FYN: variants seen among roughly 807,000 people sequenced by gnomAD.
FYN encodes tyrosine-protein kinase Fyn.
A neutral mutation model predicts 70.2 loss-of-function variants in FYN; 10 were observed. The observed-to-expected ratio is 0.14, with a 90% CI of 0.09 to 0.24. The LOEUF is 0.24. FYN is among the 10% of genes least tolerant of loss of function. The pLI, the probability that FYN is intolerant of heterozygous loss-of-function variation, is 1.00. For synonymous variants in FYN, 236 were observed against 248.6 expected, an observed-to-expected ratio of 0.95 and a Z score of 0.48; for missense variants, 319 against 673.1, an observed-to-expected ratio of 0.47 and a Z score of 5.82.
At chr6:111,716,654 T>TA (rs149228212) in intron 4 of FYN, among the ~76,000 whole-genome samples, 29 of 149,110 alleles carry the variant, frequency 1.9e-4, no homozygotes, top group African/African-American at 4.6e-4. Context: ...CTCTGTATAT[T>TA]AAAAAAAAAA....
chr6:111,665,860 T>A (rs1797976888), intron 13 of FYN, among the ~76,000 whole-genome samples: 1 of 152,074 alleles, frequency 6.6e-6, no homozygotes, highest in South Asian at 2.1e-4. Context: ...TGGCTTCAAG[T>A]GATCTGCCCA....
At chr6:111,673,753 C>G (rs572232432) in intron 13 of FYN, among the ~76,000 whole-genome samples, 35 of 151,584 alleles carry the variant, frequency 2.3e-4, no homozygotes, top group African/African-American at 8.5e-4. Flanking sequence ...CGTCCCTGTG[C>G]TATAACCACT....
intron 12 of FYN, among the ~76,000 whole-genome samples, chr6:111,683,038 A>T (rs80172060): frequency 0.026 from 4,019 of 152,316 alleles, 159 homozygotes; most frequent in Admixed American, 0.11. Flanking sequence ...AACACTCATC[A>T]ACCAATCACT....
chr6:111,745,361 T>A (rs989777659), intron 3 of FYN, among the ~76,000 whole-genome samples: 1 of 152,168 alleles, frequency 6.6e-6, no homozygotes, highest in Non-Finnish European at 1.5e-5. Flanking sequence ...ATGTGACTCA[T>A]CCCTCCTGCA....
chr6:111,809,114 T>C (rs994310276), intron 2 of FYN, among the ~76,000 whole-genome samples: 1 of 152,208 alleles, frequency 6.6e-6, no homozygotes, highest in Admixed American at 6.5e-5. Context: ...CCCATACTCA[T>C]GGCCTATAGC....
chr6:111,826,390 A>C (rs547297886), intron 2 of FYN, among the ~76,000 whole-genome samples: 2 of 152,206 alleles, frequency 1.3e-5, no homozygotes, highest in Non-Finnish European at 2.9e-5. Flanking sequence ...ATTTATGCAC[A>C]CACATGAATT....
chr6:111,712,546 C>T (rs908871164), intron 5 of FYN, among the ~76,000 whole-genome samples: 1 of 152,186 alleles, frequency 6.6e-6, no homozygotes, highest in African/African-American at 2.4e-5. Context: ...TGCACCTCGC[C>T]CTGGGCTCTG....
chr6:111,771,234 A>T (rs991946323), intron 3 of FYN, among the ~76,000 whole-genome samples: 5 of 152,216 alleles, frequency 3.3e-5, no homozygotes, highest in African/African-American at 9.6e-5. Context: ...TTCCTGTGAC[A>T]TGTTAACACA....
chr6:111,698,657 A>G (rs979872164), intron 9 of FYN, among the ~76,000 whole-genome samples: 1 of 152,268 alleles, frequency 6.6e-6, no homozygotes, highest in Non-Finnish European at 1.5e-5. Flanking sequence ...AAAAGAAATT[A>G]CAAAGGCCCA....
intron 3 of FYN, among the ~76,000 whole-genome samples, chr6:111,764,035 A>G (rs6933144): frequency 0.32 from 48,290 of 151,854 alleles, 8,774 homozygotes; most frequent in East Asian, 0.47. Flanking sequence ...AATAATGACA[A>G]CAATTATCCA....
intron 2 of FYN, among the ~76,000 whole-genome samples, chr6:111,845,293 T>C (rs545851127): frequency 1.4e-4 from 21 of 152,254 alleles, no homozygotes; most frequent in South Asian, 1.0e-3. Flanking sequence ...GGTCACAGTA[T>C]ACTGACCTCC....
chr6:111,835,026 T>C (rs1046860379), intron 2 of FYN, among the ~76,000 whole-genome samples: 7 of 152,188 alleles, frequency 4.6e-5, no homozygotes, highest in African/African-American at 9.7e-5. Flanking sequence ...CTTGGTACCA[T>C]GGCCTGAATT....
At chr6:111,742,135 G>A (rs184702116) in intron 3 of FYN, among the ~76,000 whole-genome samples, 67 of 152,236 alleles carry the variant, frequency 4.4e-4, no homozygotes, top group African/African-American at 1.6e-3. Context: ...GCATTGTGCG[G>A]GATGGTCTAC....
intron 1 of FYN, among the ~76,000 whole-genome samples, chr6:111,870,873 A>C (rs1284273244): frequency 6.6e-6 from 1 of 152,042 alleles, no homozygotes; most frequent in East Asian, 1.9e-4. Context: ...GTGTGAGTTT[A>C]TGTGCTCTGG....
At chr6:111,838,778 T>C (rs1409820055) in intron 2 of FYN, among the ~76,000 whole-genome samples, 1 of 152,212 alleles carries the variant, frequency 6.6e-6, no homozygotes, top group Non-Finnish European at 1.5e-5. Context: ...AAATAATCTA[T>C]GGTATGTGTG....
intron 1 of FYN, among the ~76,000 whole-genome samples, chr6:111,860,468 A>AGG (rs923582212): frequency 3.9e-5 from 6 of 152,180 alleles, no homozygotes; most frequent in African/African-American, 1.4e-4. Flanking sequence ...GATGGGGGCC[A>AGG]GGGTGATTCA....
At chr6:111,785,065 T>A (rs1348212227) in intron 2 of FYN, among the ~76,000 whole-genome samples, 3 of 152,250 alleles carry the variant, frequency 2.0e-5, no homozygotes, top group Non-Finnish European at 4.4e-5. Flanking sequence ...GGGTTAGGTT[T>A]GTTGTATTGA....
intron 2 of FYN, among the ~76,000 whole-genome samples, chr6:111,809,798 T>C (rs1772266676): frequency 1.3e-5 from 2 of 152,138 alleles, no homozygotes; most frequent in South Asian, 2.1e-4. Context: ...AAATTTCTTT[T>C]AAAAATTTAG....
At chr6:111,724,904 A>G (rs1173358241) in intron 3 of FYN, among the ~76,000 whole-genome samples, 1 of 152,228 alleles carries the variant, frequency 6.6e-6, no homozygotes, top group Non-Finnish European at 1.5e-5. Flanking sequence ...CTAAGAACCT[A>G]GAAACCAAAT....
Sources: gnomAD v4.1 joint callset for allele counts (sites outside exome capture counted in the v4.1 genomes callset) on GRCh38, gnomAD v4.1.1 for gene constraint, MANE v1.5 for transcripts, NCBI Gene and HGNC (gene_info 2026-07-23, HGNC 2026-07-21) for gene names.